Variants in FIG4 observed in about 807,000 individuals in gnomAD.
FIG4 encodes polyphosphoinositide phosphatase.
In FIG4, 112 loss-of-function variants were observed where a neutral mutation model predicts 118.6. The observed-to-expected ratio is 0.94, with a 90% CI of 0.81 to 1.11. The LOEUF is 1.11. FIG4 is among the 50% of genes least tolerant of loss of function. The pLI, the probability that FIG4 is intolerant of heterozygous loss-of-function variation, is 0.00. For missense variants in FIG4, 969 were observed against 1,111.7 expected (o/e 0.87, Z 1.83); for synonymous variants, 369 against 381.2 (o/e 0.97, Z 0.37).
chr6:109,816,514 G>A lies in FIG4; in HGVS notation c.2547-8574G>A, dbSNP rs546050603. On this transcript the variant is annotated intron_variant, in intron 22 of 22. Transcript: ENST00000230124. ...AGTATGGACTGTAGGTAATAATCAC[G>A]TATCACTATCAGGTCATGAAGTATA... Among the ~76,000 whole-genome samples the A allele has an allele frequency of 4.5e-4, 69 of 152,244 alleles. No individual in the cohort carries two copies. In the East Asian group the frequency reaches 5.8e-3, roughly 13 times the overall value.
At chr6:109,775,065 T>C (rs1282247228) in intron 15 of FIG4, among the ~76,000 whole-genome samples, 1 of 152,230 alleles carries the variant, frequency 6.6e-6, no homozygotes, top group Non-Finnish European at 1.5e-5. Flanking sequence ...CCTGTTTGAA[T>C]GGTATTTGGT....
intron 21 of FIG4, among the ~76,000 whole-genome samples, chr6:109,793,846 T>C (rs945154910): frequency 2.0e-5 from 3 of 152,220 alleles, no homozygotes; most frequent in Admixed American, 6.5e-5. Context: ...CTTTTTTGAA[T>C]ATGCGTCATT....
In FIG4 at chr6:109,785,032, G is replaced by A; in HGVS notation, c.1948+4G>A. On this transcript the variant is annotated splice_donor_region_variant and intron_variant, in intron 17 of 22. Transcript: ENST00000230124. Reference sequence around the variant, plus strand: ...TTACCATTGCCCTATGATGAAGGTAGGTAACTGTTTGTGTTTTAGTTTTTA... The same window carrying A: ...TTACCATTGCCCTATGATGAAGGTAAGTAACTGTTTGTGTTTTAGTTTTTA... The A allele has an allele frequency of 6.6e-7, 1 of 1,511,864 alleles. No homozygotes were observed. Among genetic ancestry groups the A allele is most frequent in the Non-Finnish European group, 9.2e-7 (1 of 1,085,410 alleles). The allele number at this position is 1,511,864 out of a possible 1,614,324, so 93.7% of individuals were successfully genotyped here. A position where few individuals can be genotyped will look rare whatever the true frequency, so the allele number is the denominator to read the frequency against.
intron 3 of FIG4, among the ~76,000 whole-genome samples, chr6:109,725,303 T>A (rs1425792018): frequency 6.6e-6 from 1 of 151,990 alleles, no homozygotes; most frequent in Non-Finnish European, 1.5e-5. Context: ...CCTCCCTATG[T>A]CTATGTGTTC....
At chr6:109,754,725 C>T (rs9400321) in intron 10 of FIG4, among the ~76,000 whole-genome samples, 15,559 of 151,912 alleles carry the variant, frequency 0.1, 1,441 homozygotes, top group African/African-American at 0.24. Flanking sequence ...AGTTTATTTG[C>T]GTAGAGGTGT....
intron 1 of FIG4, among the ~76,000 whole-genome samples, chr6:109,705,454 T>A (rs1475118575): frequency 6.6e-6 from 1 of 152,154 alleles, no homozygotes; most frequent in Admixed American, 6.5e-5. Flanking sequence ...ACAAAACGTT[T>A]TTAGGATTCT....
At chr6:109,716,233 T>C (rs367882743) in intron 2 of FIG4, among the ~76,000 whole-genome samples, 31 of 152,230 alleles carry the variant, frequency 2.0e-4, no homozygotes, top group African/African-American at 7.0e-4. Context: ...ACATTTTTTT[T>C]AGTATAGCAG....
intron 10 of FIG4, among the ~76,000 whole-genome samples, chr6:109,748,969 C>T (rs1204144955): frequency 6.6e-6 from 1 of 151,882 alleles, no homozygotes; most frequent in Admixed American, 6.6e-5. Flanking sequence ...AACCATATCA[C>T]CCAGGATGGA....
At chr6:109,785,702 A>G in intron 17 of FIG4, 1 of 470,744 alleles carries the variant, frequency 2.1e-6, no homozygotes, top group South Asian at 1.5e-5. Context: ...CGAATCTGGA[A>G]TGCTCCAATT....
chr6:109,819,780 A>G (rs558488079), intron 22 of FIG4, among the ~76,000 whole-genome samples: 2 of 152,136 alleles, frequency 1.3e-5, no homozygotes, highest in African/African-American at 4.8e-5. Flanking sequence ...ATTGTTAACA[A>G]TAGTTCACCT....
chr6:109,797,930 A>C (rs1356396449), intron 22 of FIG4, among the ~76,000 whole-genome samples: 6 of 151,808 alleles, frequency 4.0e-5, no homozygotes, highest in Admixed American at 1.3e-4. Context: ...TCACTGTGGA[A>C]ATTCAGTGAG....
chr6:109,818,420 G>A (rs1247521204), intron 22 of FIG4, among the ~76,000 whole-genome samples: 1 of 151,976 alleles, frequency 6.6e-6, no homozygotes, highest in Admixed American at 6.6e-5. Context: ...CGCTGGTCTC[G>A]AACTCCCGAC....
intron 8 of FIG4, among the ~76,000 whole-genome samples, chr6:109,742,413 TAGACA>T (rs1776353604): frequency 6.6e-6 from 1 of 152,096 alleles, no homozygotes; most frequent in Non-Finnish European, 1.5e-5. Context: ...CTGTTTGCAA[TAGACA>T]ACTTGAGTTT....
rs770313840 is a variant in FIG4 at position 109,735,142 on chromosome 6, G to A, written c.498-8G>A. 1 of 1,610,680 alleles carries A rather than the reference G, an allele frequency of 6.2e-7. No individual in the cohort carries two copies. Among genetic ancestry groups the A allele is most frequent in the Non-Finnish European group, 8.5e-7 (1 of 1,177,298 alleles). On this transcript the variant is annotated splice_region_variant and splice_polypyrimidine_tract_variant and intron_variant, in intron 5 of 22. Transcript: ENST00000230124. ...GTAATTCTTATTAAGTTTCAATTCTGTTCTCAGTTACAGCTATGATTTGTC... is the reference window on the plus strand; with the variant it reads ...GTAATTCTTATTAAGTTTCAATTCTATTCTCAGTTACAGCTATGATTTGTC...
At chr6:109,707,422 C>CATATATACAT (rs1255126677) in intron 1 of FIG4, among the ~76,000 whole-genome samples, 1 of 146,176 alleles carries the variant, frequency 6.8e-6, no homozygotes, top group Non-Finnish European at 1.5e-5. Context: ...TATACCTATA[C>CATATATACAT]ATATATACAT....
intron 10 of FIG4, among the ~76,000 whole-genome samples, chr6:109,752,783 G>A (rs1454503674): frequency 6.6e-6 from 1 of 152,132 alleles, no homozygotes; most frequent in Non-Finnish European, 1.5e-5. Flanking sequence ...CTCCCATTTT[G>A]TAGGTTGCCT....
In FIG4 at chr6:109,716,527, C is replaced by T; in HGVS notation, c.248C>T (p.Ser83Phe). 1 of 1,613,918 alleles carries T rather than the reference C, an allele frequency of 6.2e-7. No homozygotes were observed. The highest frequency in any genetic ancestry group is 8.5e-7 in the Non-Finnish European group (1 of 1,179,862). Residue 83 changes from serine to phenylalanine, a missense_variant, in exon 3 of 23, where the codon TCC (serine) becomes TTC (phenylalanine). By Grantham distance (155) the Ser-to-Phe change is radical. This residue lies in a region of FIG4 where 393 missense variants were observed against 409.4 expected (regional missense o/e 0.96). Transcript: ENST00000230124. The stretch of plus-strand genomic sequence containing the variant: ...AGAACAAAGATGGGACAGAAAGGAT[C>T]CTCGGGCTTATTTCGAGCGGTTTCA... ...GNRTKMGQKG[S>F]SGLFRAVSAF...
At chr6:109,777,315 A>G (rs1480670235) in intron 16 of FIG4, among the ~76,000 whole-genome samples, 1 of 152,226 alleles carries the variant, frequency 6.6e-6, no homozygotes, top group Non-Finnish European at 1.5e-5. Flanking sequence ...TAAAGCAGTC[A>G]GTCTGGCCAC....
intron 1 of FIG4, among the ~76,000 whole-genome samples, chr6:109,696,262 A>G (rs565386914): frequency 4.6e-5 from 7 of 152,318 alleles, no homozygotes; most frequent in African/African-American, 1.7e-4. Context: ...CCTTCCTAGT[A>G]CTTCAAACTA....
Sources: gnomAD v4.1 joint callset for allele counts (sites outside exome capture counted in the v4.1 genomes callset) on GRCh38, gnomAD v4.1.1 for gene constraint, gnomAD v4.1.1 regional missense constraint, MANE v1.5 for transcripts, NCBI Gene and HGNC (gene_info 2026-07-23, HGNC 2026-07-21) for gene names.